Variants in WDR7 observed in about 807,000 individuals in gnomAD.
WDR7 encodes the protein WD repeat-containing protein 7.
A neutral mutation model predicts 169.4 loss-of-function variants in WDR7; 46 were observed. The ratio of observed to expected loss-of-function variants is 0.27; its 90% CI spans 0.21 to 0.35. WDR7 has a LOEUF of 0.35. Ranked by LOEUF, WDR7 falls within the 10% of genes least tolerant of loss-of-function variation. The pLI, the probability that WDR7 is intolerant of heterozygous loss-of-function variation, is 1.00. For synonymous variants in WDR7, 612 were observed against 666.8 expected (o/e 0.92, Z 1.27); for missense variants, 1,534 against 1,859.3 (o/e 0.83, Z 3.22).
At position 56,756,704 on chromosome 18, in the gene WDR7, CT is replaced by C; in HGVS notation, c.2112del (p.Glu705LysfsTer30). On this transcript the variant is annotated frameshift_variant, in exon 15 of 28. Coordinates refer to ENST00000254442, the MANE Select transcript of WDR7 (RefSeq NM_015285.3). LOFTEE classifies it high-confidence loss of function. ...DVEALIIQLLTEEASRPNTAL... is the reference protein window; with the variant it reads ...DVEALIIQLLXEEASRPNTAL... ...GAAGCGTTGATTATTCAACTCCTGA[CT>C]GAAGAAGCCTCTAGGCCGAATACTG... 1 of 1,614,150 alleles carries C rather than the reference CT, an allele frequency of 6.2e-7. No homozygotes were observed. Among genetic ancestry groups the C allele is most frequent in the Non-Finnish European group, 8.5e-7 (1 of 1,180,024 alleles).
At chr18:56,738,042 T>C (rs960061065) in intron 14 of WDR7, among the ~76,000 whole-genome samples, 1 of 152,186 alleles carries the variant, frequency 6.6e-6, no homozygotes. Flanking sequence ...CGCCAATTGT[T>C]GTCTAGTCCC....
intron 26 of WDR7, chr18:57,009,935 C>T: frequency 1.0e-5 from 10 of 985,434 alleles, no homozygotes; most frequent in Non-Finnish European, 1.2e-5. Context: ...TTAACCATAA[C>T]CCAAATCAAA....
At chr18:56,875,889 T>C (rs2046015353) in intron 20 of WDR7, among the ~76,000 whole-genome samples, 1 of 152,204 alleles carries the variant, frequency 6.6e-6, no homozygotes, top group South Asian at 2.1e-4. Flanking sequence ...GTTCTTATTG[T>C]TGTTCACCTG....
At chr18:56,724,160 A>AT (rs112652896) in intron 13 of WDR7, among the ~76,000 whole-genome samples, 279 of 91,110 alleles carry the variant, frequency 3.1e-3, no homozygotes, top group African/African-American at 7.6e-3. Context: ...TCTTGATTTG[A>AT]TTTTTTTTTT....
chr18:56,770,350 TAAGTG>T (rs1489215046), intron 16 of WDR7, among the ~76,000 whole-genome samples: 1 of 152,250 alleles, frequency 6.6e-6, no homozygotes, highest in African/African-American at 2.4e-5. Context: ...TATTTAGTGT[TAAGTG>T]AAGTAGAAAA....
intron 14 of WDR7, among the ~76,000 whole-genome samples, chr18:56,756,186 T>G (rs1166917093): frequency 6.6e-6 from 1 of 152,172 alleles, no homozygotes; most frequent in Non-Finnish European, 1.5e-5. Flanking sequence ...TGTAGCAACT[T>G]AAAGGATCAG....
At chr18:56,867,006 C>CTTATTTAT (rs1386549978) in intron 20 of WDR7, among the ~76,000 whole-genome samples, 17 of 146,260 alleles carry the variant, frequency 1.2e-4, no homozygotes, top group African/African-American at 4.1e-4. Context: ...ACTTTATTTA[C>CTTATTTAT]TTACTTATTT....
intron 1 of WDR7, chr18:56,651,806 A>G (rs2024661276): frequency 6.6e-6 from 1 of 152,238 alleles, no homozygotes; most frequent in Non-Finnish European, 1.5e-5. Context: ...CTGGTGAGTG[A>G]TATTTGCTAC....
At chr18:56,795,648 A>G (rs1000061669) in intron 19 of WDR7, among the ~76,000 whole-genome samples, 7 of 152,186 alleles carry the variant, frequency 4.6e-5, no homozygotes, top group South Asian at 2.1e-4. Context: ...ATTACCAAAA[A>G]TAATGTGTGG....
chr18:56,883,547 G>A (rs895566344), intron 21 of WDR7, among the ~76,000 whole-genome samples: 38 of 150,884 alleles, frequency 2.5e-4, no homozygotes, highest in African/African-American at 8.8e-4. Flanking sequence ...GGAGGAGCAA[G>A]TGTTGTTTGG....
chr18:56,696,450 T>C lies in WDR7; in HGVS notation c.1566T>C (p.Pro522=). The part of the protein sequence containing the change: ...GGEITQLLVP[P]ENCSARVQHC... The stretch of plus-strand genomic sequence containing the variant: ...AGATTACTCAACTTCTAGTTCCACC[T>C]GAAAACTGTAGTGTAAGTTGATTTA... The change falls in exon 12 of 28, where the codon CCT becomes CCC. Residue 522 remains proline (P), a synonymous_variant. Transcript: ENST00000254442. 1.2e-6 allele frequency: 2 copies of C among 1,612,772 alleles called. No individual in the cohort carries two copies. The highest frequency in any genetic ancestry group is 1.7e-6 in the Non-Finnish European group (2 of 1,179,278).
At position 56,756,937 on chromosome 18, in the gene WDR7, T is replaced by C. The variant is rs1261954815; in HGVS notation, c.2344T>C (p.Ser782Pro). The C allele has an allele frequency of 1.9e-6, 3 of 1,614,042 alleles. No individual in the cohort carries two copies. In the South Asian group the frequency reaches 3.3e-5, roughly 18 times the overall value. Reference sequence around the variant, plus strand: ...GGAAGAAAGTGATCCTGAATATCGGTCCAGCAAATCAAAGCCATTGACCCT... The same window carrying C: ...GGAAGAAAGTGATCCTGAATATCGGCCCAGCAAATCAAAGCCATTGACCCT... ...RREESDPEYR[S>P]SKSKPLTLLE... The change falls in exon 15 of 28, where the codon TCC becomes CCC. Residue 782 changes from serine to proline, a missense_variant. By Grantham distance (74) the Ser-to-Pro change is moderately conservative. Transcript: ENST00000254442.
intron 16 of WDR7, among the ~76,000 whole-genome samples, chr18:56,759,643 A>G (rs2043951372): frequency 6.6e-6 from 1 of 152,194 alleles, no homozygotes. Context: ...ACTTTGGACA[A>G]AGAGTTAATA....
chr18:56,685,692 T>C (rs2025430229), intron 5 of WDR7, among the ~76,000 whole-genome samples: 1 of 152,210 alleles, frequency 6.6e-6, no homozygotes, highest in African/African-American at 2.4e-5. Context: ...ATCAAGAACA[T>C]TTGAAATTAT....
chr18:56,765,561 C>T (rs2044050037), intron 16 of WDR7, among the ~76,000 whole-genome samples: 1 of 151,774 alleles, frequency 6.6e-6, no homozygotes, highest in Admixed American at 6.6e-5. Flanking sequence ...CTACTGTTGT[C>T]CTGCATTTTA....
At chr18:56,820,359 A>AAAAAAAAACC (rs1044771844) in intron 20 of WDR7, among the ~76,000 whole-genome samples, 1 of 127,464 alleles carries the variant, frequency 7.8e-6, no homozygotes, top group Admixed American at 7.7e-5. Context: ...AAAAAAAAAA[A>AAAAAAAAACC]AAAAACCACC....
rs184607843 is a variant in WDR7, at chr18:56,948,524, G to A, written c.4064+9131G>A. 3.5e-3 allele frequency among the ~76,000 whole-genome samples: 531 copies of A among 152,208 alleles called. 2 individuals carry two copies. Among genetic ancestry groups the A allele is most frequent in the Non-Finnish European group, 5.8e-3 (393 of 68,006 alleles). ...TAACTGTGCTTGAATAATGACACTA[G>A]CTATGGCGCTTCATGTGTTTAGTCC... On this transcript the variant is annotated intron_variant, in intron 25 of 27. Transcript: ENST00000254442.
intron 20 of WDR7, among the ~76,000 whole-genome samples, chr18:56,823,358 A>T (rs2045135245): frequency 1.3e-5 from 2 of 152,184 alleles, no homozygotes; most frequent in South Asian, 4.1e-4. Flanking sequence ...CCTGCGGATC[A>T]TCTGAGGTCA....
At chr18:56,709,737 A>AT (rs2144704283) in intron 12 of WDR7, among the ~76,000 whole-genome samples, 1 of 152,028 alleles carries the variant, frequency 6.6e-6, no homozygotes, top group Admixed American at 6.5e-5. Flanking sequence ...AATTTTTGTC[A>AT]TTTTTCATTA....
Sources: allele counts gnomAD v4.1 joint callset (sites outside exome capture counted in the v4.1 genomes callset), GRCh38; gene constraint gnomAD v4.1.1; transcripts MANE v1.5; gene names NCBI Gene and HGNC (gene_info 2026-07-23, HGNC 2026-07-21).